NF1: variants seen among roughly 807,000 people sequenced by gnomAD.
NF1 encodes neurofibromin 1, also known as neurofibromin.
A neutral mutation model predicts 325.7 loss-of-function variants in NF1; 122 were observed. The observed-to-expected ratio is 0.37, with a 90% CI of 0.32 to 0.44. NF1 has a LOEUF of 0.44. Among genes scored for constraint, NF1 ranks in the 20% least tolerant of loss-of-function variants. NF1 has a pLI of 1.00. For missense variants in NF1, 2,140 were observed against 3,415.4 expected, an observed-to-expected ratio of 0.63 and a Z score of 9.31; for synonymous variants, 1,091 against 1,186.0, an observed-to-expected ratio of 0.92 and a Z score of 1.65.
At chr17:31,321,032 T>C (rs1353251087) in intron 36 of NF1, 2 of 152,200 alleles carry the variant, frequency 1.3e-5, no homozygotes, top group Non-Finnish European at 2.9e-5. Context: ...ACAAACTGTA[T>C]GACAAAATGA....
rs2067071704 is a variant in NF1, at chr17:31,229,319, A to G, written c.2704A>G (p.Met902Val). The G allele has an allele frequency of 6.2e-7, 1 of 1,613,958 alleles. No individual in the cohort carries two copies. The highest frequency in any genetic ancestry group is 8.5e-7 in the Non-Finnish European group (1 of 1,179,840). ...ATTTATGGATCGGCTGTTGTCCTTAATGGTGTGTAACCATGAGAAAGTGGG... is the reference window on the plus strand; with the variant it reads ...ATTTATGGATCGGCTGTTGTCCTTAGTGGTGTGTAACCATGAGAAAGTGGG... ...SKFMDRLLSL[M>V]VCNHEKVGLQ... The change falls in exon 21 of 58, where the codon ATG (methionine) becomes GTG (valine). Residue 902 changes from methionine (M) to valine (V), a missense_variant. Physicochemically the swap from Met to Val is conservative, Grantham distance 21. This residue lies in a region of NF1 where 380 missense variants were observed against 639.3 expected (regional missense o/e 0.59). Coordinates refer to ENST00000358273, the MANE Select transcript of NF1 (RefSeq NM_001042492.3).
chr17:31,266,141 C>T lies in NF1; in HGVS notation c.4835+802C>T, dbSNP rs116966917. 1.1e-4 allele frequency among the ~76,000 whole-genome samples: 16 copies of T among 152,316 alleles called. No individual in the cohort carries two copies. The East Asian group carries it at 3.1e-3, about 29-fold the overall frequency. On this transcript the variant is annotated intron_variant, in intron 36 of 57. Coordinates refer to ENST00000358273, the MANE Select transcript of NF1 (RefSeq NM_001042492.3). ...CATGTTTAGACCTAGTTCTGCTACT[C>T]ATTAGTTATAGACTTAATCTTTACC...
chr17:31,228,928 A>G, intron 20 of NF1, 97 bp from the exon 21 acceptor site: 1 of 939,818 alleles, frequency 1.1e-6, no homozygotes, highest in Non-Finnish European at 1.6e-6. Context: ...CATTTTTTGT[A>G]CTTTTGTCAT....
Position 31,159,044 on chromosome 17 carries a change from ATC to A in NF1, c.246_247del (p.Gln83ValfsTer23), listed in dbSNP as rs771115661. 1.2e-6 allele frequency: 2 copies of A among 1,609,116 alleles called. No homozygotes were observed. Among genetic ancestry groups the A allele is most frequent in the Non-Finnish European group, 1.7e-6 (2 of 1,175,698 alleles). ...GGAGAAGCTGCTGAAAAAAATTTAT[ATC>A]TCTCTCAGTTGATTATATTGGATAC... On this transcript the variant is annotated frameshift_variant, in exon 3 of 58. Transcript: ENST00000358273. LOFTEE classifies it high-confidence loss of function.
At chr17:31,249,173 A>C (rs2067452451) in intron 30 of NF1, 54 bp downstream of exon 30, 1 of 1,586,468 alleles carries the variant, frequency 6.3e-7, no homozygotes, top group East Asian at 2.2e-5. Context: ...ATTATGAAGA[A>C]TGCTTTATCA....
At chr17:31,300,132 T>C (rs1031645948) in intron 36 of NF1, among the ~76,000 whole-genome samples, 1 of 152,058 alleles carries the variant, frequency 6.6e-6, no homozygotes, top group Non-Finnish European at 1.5e-5. Flanking sequence ...AATAATTCTT[T>C]TCTGTGTATT....
chr17:31,208,223 C>T (rs2143926525), intron 12 of NF1, among the ~76,000 whole-genome samples: 1 of 152,210 alleles, frequency 6.6e-6, no homozygotes, highest in Admixed American at 6.5e-5. Flanking sequence ...TATCAATATA[C>T]ATTTAATTTT....
chr17:31,360,686 C>T lies in NF1; in HGVS notation c.8360C>T (p.Thr2787Ile). 6.2e-7 allele frequency: 1 copy of T among 1,613,562 alleles called. No individual in the cohort carries two copies. The highest frequency in any genetic ancestry group is 1.1e-5 in the South Asian group (1 of 91,060). Residue 2787 changes from threonine (T) to isoleucine (I), a missense_variant, in exon 57 of 58, where the codon ACT (threonine) becomes ATT (isoleucine). Coordinates refer to ENST00000358273, the MANE Select transcript of NF1 (RefSeq NM_001042492.3). ...TCTAATTCCATGACCTCACTTGCAA[C>T]TTCCCAGCATTCCCCAGGTCAGTAA... ...NLSNSMTSLA[T>I]SQHSPGIDKE...
At position 31,201,165 on chromosome 17, in the gene NF1, A is replaced by G; in HGVS notation, c.1185+6A>G. 2.5e-6 allele frequency: 4 copies of G among 1,614,038 alleles called. No individual in the cohort carries two copies. The highest frequency in any genetic ancestry group is 3.4e-6 in the Non-Finnish European group (4 of 1,179,966). On this transcript the variant is annotated splice_donor_region_variant and intron_variant, in intron 10 of 57. Transcript: ENST00000358273. ...ACAACAACCAACACTTTAAGGTGAG[A>G]GCATTGGTTTTTATCTAACTATATT... is the stretch of plus-strand genomic sequence containing the variant.
chr17:31,343,624 A>G (rs2069888115), intron 48 of NF1, among the ~76,000 whole-genome samples: 1 of 152,106 alleles, frequency 6.6e-6, no homozygotes, highest in African/African-American at 2.4e-5. Context: ...AGAGAGCTTC[A>G]TTTCCAATTC....
Position 31,199,474 on chromosome 17 carries a change from T to C in NF1, c.889-948T>C, listed in dbSNP as rs149347467. Among the ~76,000 whole-genome samples, 314 of 152,344 alleles carry C rather than the reference T, an allele frequency of 2.1e-3. 1 individual carries two copies. Among genetic ancestry groups the C allele is most frequent in the South Asian group, 3.9e-3 (19 of 4,824 alleles). The stretch of plus-strand genomic sequence containing the variant: ...GTTTCTTTAAATGTATTAAGACTTA[T>C]TTTGTAGCCTAACATAGGTCTGTTT... On this transcript the variant is annotated intron_variant, in intron 8 of 57. Coordinates refer to ENST00000358273, the MANE Select transcript of NF1 (RefSeq NM_001042492.3).
chr17:31,185,544 G>C (rs1192462290), intron 8 of NF1, among the ~76,000 whole-genome samples: 1 of 152,148 alleles, frequency 6.6e-6, no homozygotes, highest in Non-Finnish European at 1.5e-5. Flanking sequence ...GGCTTCAGGG[G>C]TGTGGGGCCT....
chr17:31,305,260 G>GA (rs766333180), intron 36 of NF1: 1 of 1,614,214 alleles, frequency 6.2e-7, no homozygotes, highest in South Asian at 1.1e-5. Context: ...GGCTTGCTGG[G>GA]AGGAGGTGTT....
chr17:31,224,801 C>T (rs1264663733), intron 16 of NF1, among the ~76,000 whole-genome samples: 1 of 152,138 alleles, frequency 6.6e-6, no homozygotes, highest in Non-Finnish European at 1.5e-5. Flanking sequence ...AGTTTTCATA[C>T]AGTAGATTTA....
chr17:31,204,354 C>G (rs1328911431), intron 11 of NF1, among the ~76,000 whole-genome samples: 2 of 151,936 alleles, frequency 1.3e-5, no homozygotes, highest in African/African-American at 4.8e-5. Flanking sequence ...TTATTTAAAT[C>G]TCTTAAGGAA....
At chr17:31,370,741 C>G (rs1217516147) in intron 57 of NF1, among the ~76,000 whole-genome samples, 1 of 152,164 alleles carries the variant, frequency 6.6e-6, no homozygotes, top group Non-Finnish European at 1.5e-5. Context: ...GCAAGACACA[C>G]AAGAACGAGC....
chr17:31,231,605 A>G (rs1340698569), intron 24 of NF1, among the ~76,000 whole-genome samples: 2 of 152,202 alleles, frequency 1.3e-5, no homozygotes, highest in African/African-American at 4.8e-5. Context: ...ATTTTTAATT[A>G]TCTTCAGATT....
At chr17:31,254,842 G>T in intron 31 of NF1, among the ~76,000 whole-genome samples, 1 of 151,932 alleles carries the variant, frequency 6.6e-6, no homozygotes, top group African/African-American at 2.4e-5. Flanking sequence ...TGGAAACAAG[G>T]GGAATCTAAT....
intron 35 of NF1, among the ~76,000 whole-genome samples, chr17:31,262,999 A>G (rs1217081101): frequency 1.3e-5 from 2 of 152,154 alleles, no homozygotes; most frequent in East Asian, 3.9e-4. Context: ...CCTGGGCAAC[A>G]TAGTGAGACC....
Sources: gnomAD v4.1 joint callset for allele counts (sites outside exome capture counted in the v4.1 genomes callset) on GRCh38, gnomAD v4.1.1 for gene constraint, gnomAD v4.1.1 regional missense constraint, MANE v1.5 for transcripts, NCBI Gene and HGNC (gene_info 2026-07-23, HGNC 2026-07-21) for gene names.